The following PROX1 variants were observed in gnomAD, a reference collection of about 807,000 sequenced individuals.
PROX1 encodes the protein prospero homeobox 1.
In PROX1, 7 loss-of-function variants were observed where a neutral mutation model predicts 58.8. That is an observed-to-expected ratio of 0.12 (90% confidence interval 0.07 to 0.22). The LOEUF is 0.22. Ranked by LOEUF, PROX1 falls within the 10% of genes least tolerant of loss-of-function variation. The pLI, the probability that PROX1 is intolerant of heterozygous loss-of-function variation, is 1.00. For synonymous variants in PROX1, 350 were observed against 358.3 expected, an observed-to-expected ratio of 0.98 and a Z score of 0.26; for missense variants, 675 against 927.8, an observed-to-expected ratio of 0.73 and a Z score of 3.54.
Position 214,038,187 on chromosome 1 carries a change from C to T in PROX1, c.*2353C>T, listed in dbSNP as rs550149651. The T allele has an allele frequency of 6.6e-6, 1 of 152,102 alleles. No homozygotes were observed. The highest frequency in any genetic ancestry group is 1.5e-5 in the Non-Finnish European group (1 of 68,018). The allele number at this position is 152,102 out of a possible 1,614,324, so 9.4% of individuals were successfully genotyped here. A position where few individuals can be genotyped will look rare whatever the true frequency, so the allele number is the denominator to read the frequency against. On this transcript the variant is annotated 3_prime_UTR_variant, in exon 5 of 5. Coordinates refer to ENST00000366958, the MANE Select transcript of PROX1 (RefSeq NM_001270616.2). The stretch of plus-strand genomic sequence containing the variant: ...TGATGCCCTTATCTACTGATAATAT[C>T]CTCTCAATGTTCACTGAGGCATAGA...
chr1:213,994,222 G>A (rs929748689), intron 1 of PROX1, among the ~76,000 whole-genome samples: 7 of 152,212 alleles, frequency 4.6e-5, no homozygotes, highest in Non-Finnish European at 7.3e-5. Context: ...CAGGAGGAAA[G>A]TCCAGTTTGG....
intron 4 of PROX1, among the ~76,000 whole-genome samples, chr1:214,025,135 G>A (rs1384934767): frequency 6.6e-6 from 1 of 152,156 alleles, no homozygotes; most frequent in Admixed American, 6.5e-5. Flanking sequence ...CCAATTAAAC[G>A]TTCCTAATCA....
chr1:214,020,452 TTAGA>T, intron 4 of PROX1, among the ~76,000 whole-genome samples: 1 of 152,326 alleles, frequency 6.6e-6, no homozygotes, highest in East Asian at 1.9e-4. Context: ...TGACCTACTA[TTAGA>T]TACTTACAGT....
At chr1:214,001,460 A>G (rs955216977) in intron 2 of PROX1, among the ~76,000 whole-genome samples, 6 of 152,184 alleles carry the variant, frequency 3.9e-5, no homozygotes, top group African/African-American at 1.4e-4. Flanking sequence ...TTGCATCTCA[A>G]GAAAAATAGC....
rs1664989816 is a variant in PROX1, at chr1:214,040,936, C to T, written c.*5102C>T. 2.0e-5 allele frequency: 3 copies of T among 151,754 alleles called. No individual in the cohort carries two copies. The highest frequency in any genetic ancestry group is 4.4e-5 in the Non-Finnish European group (3 of 67,960). The allele number at this position is 151,754 out of a possible 1,614,324, so 9.4% of individuals were successfully genotyped here. ...AATTGATATGATAAACACAATGAGACTCCCTGTCCATATTAAAAAGAAAAT... is the reference window on the plus strand; with the variant it reads ...AATTGATATGATAAACACAATGAGATTCCCTGTCCATATTAAAAAGAAAAT... On this transcript the variant is annotated 3_prime_UTR_variant, in exon 5 of 5. Coordinates refer to ENST00000366958, the MANE Select transcript of PROX1 (RefSeq NM_001270616.2).
chr1:214,002,889 T>C (rs1663574127), intron 2 of PROX1, among the ~76,000 whole-genome samples: 1 of 152,232 alleles, frequency 6.6e-6, no homozygotes, highest in Non-Finnish European at 1.5e-5. Flanking sequence ...TAATAGTTTA[T>C]TAGAAACATA....
At chr1:214,005,074 C>A in intron 2 of PROX1, 91 bp from the exon 3 acceptor site, 1 of 993,336 alleles carries the variant, frequency 1.0e-6, no homozygotes, top group Non-Finnish European at 1.6e-6. Flanking sequence ...CTTGATGGAC[C>A]CCCAGACTCT....
intron 4 of PROX1, among the ~76,000 whole-genome samples, chr1:214,016,395 G>A (rs147064447): frequency 1.3e-5 from 2 of 152,292 alleles, no homozygotes; most frequent in East Asian, 1.9e-4. Flanking sequence ...TTTAGGAAGC[G>A]CTTCCCTCTG....
intron 3 of PROX1, among the ~76,000 whole-genome samples, chr1:214,008,522 G>T (rs1299258743): frequency 2.0e-5 from 3 of 152,186 alleles, no homozygotes; most frequent in Non-Finnish European, 2.9e-5. Context: ...TTGGAGGATA[G>T]AGCTAGATGG....
chr1:214,036,505 A>G lies in PROX1; in HGVS notation c.*671A>G, dbSNP rs990370690. On this transcript the variant is annotated 3_prime_UTR_variant, in exon 5 of 5. Transcript: ENST00000366958. ...ACCAGTTTCTTCTGGAGGCAAAGCA[A>G]TTTTGCACAAAACCAGCTCTCTCAA... is the stretch of plus-strand genomic sequence containing the variant. 1 of 152,178 alleles carries G rather than the reference A, an allele frequency of 6.6e-6. No individual in the cohort carries two copies. Among genetic ancestry groups the G allele is most frequent in the Non-Finnish European group, 1.5e-5 (1 of 68,020 alleles). The allele number at this position is 152,178 out of a possible 1,614,324, so 9.4% of individuals were successfully genotyped here. A position where few individuals can be genotyped will look rare whatever the true frequency, so the allele number is the denominator to read the frequency against.
At chr1:213,990,165 A>C (rs1489802421) in intron 1 of PROX1, among the ~76,000 whole-genome samples, 1 of 151,736 alleles carries the variant, frequency 6.6e-6, no homozygotes, top group Non-Finnish European at 1.5e-5. Flanking sequence ...GAAAAGAAAA[A>C]AAAAAGAACT....
chr1:214,025,527 A>G (rs752285126), intron 4 of PROX1, among the ~76,000 whole-genome samples: 29 of 152,214 alleles, frequency 1.9e-4, no homozygotes, highest in African/African-American at 5.8e-4. Context: ...AATATGGCCC[A>G]CAGAGCCTAT....
At chr1:214,023,835 A>C (rs1040933239) in intron 4 of PROX1, among the ~76,000 whole-genome samples, 1 of 152,210 alleles carries the variant, frequency 6.6e-6, no homozygotes, top group East Asian at 1.9e-4. Context: ...AGTAAAAGGT[A>C]ATGTATTCCC....
chr1:213,996,908 CAGG>C lies in PROX1; in HGVS notation c.378_380del (p.Glu126del), dbSNP rs1473551539. On this transcript the variant is annotated inframe_deletion, in exon 2 of 5. Coordinates refer to ENST00000366958, the MANE Select transcript of PROX1 (RefSeq NM_001270616.2). The stretch of plus-strand genomic sequence containing the variant: ...CTCTAGTACAGGCTCCGAAGTACAT[CAGG>C]AGGATATATGCAGCAACTCTTCAAG... The C allele has an allele frequency of 6.2e-7, 1 of 1,613,950 alleles. No homozygotes were observed. The highest frequency in any genetic ancestry group is 1.3e-5 in the African/African-American group (1 of 74,876).
chr1:214,013,736 T>A (rs1356655634), intron 4 of PROX1, among the ~76,000 whole-genome samples: 1 of 152,188 alleles, frequency 6.6e-6, no homozygotes, highest in Non-Finnish European at 1.5e-5. Context: ...ATCTAATATT[T>A]CTCTCTTTGT....
At chr1:213,993,525 T>C (rs1489436896) in intron 1 of PROX1, among the ~76,000 whole-genome samples, 2 of 152,240 alleles carry the variant, frequency 1.3e-5, no homozygotes, top group Admixed American at 6.5e-5. Flanking sequence ...ATTTATATTA[T>C]GGTAACGTAA....
At chr1:214,021,724 A>AGTT (rs1463797347) in intron 4 of PROX1, among the ~76,000 whole-genome samples, 1 of 152,204 alleles carries the variant, frequency 6.6e-6, no homozygotes, top group African/African-American at 2.4e-5. Context: ...GGAATTCTTG[A>AGTT]GTTGGATCTC....
rs373487606 is a variant in PROX1, at chr1:213,990,746, T to C, written c.-68+2263T>C. 2.0e-4 allele frequency among the ~76,000 whole-genome samples: 31 copies of C among 151,768 alleles called. No individual in the cohort carries two copies. The East Asian group carries it at 3.9e-3, about 19-fold the overall frequency. Reference sequence around the variant, plus strand: ...GCTTTGGATAGCAATGAGTGGTGTGTAACTGCCAAGAATTCCAAAGTCAGT... The same window carrying C: ...GCTTTGGATAGCAATGAGTGGTGTGCAACTGCCAAGAATTCCAAAGTCAGT... On this transcript the variant is annotated intron_variant, in intron 1 of 4. Transcript: ENST00000366958.
Position 214,011,637 on chromosome 1 carries a change from T to G in PROX1, c.1950T>G (p.Thr650=). The G allele has an allele frequency of 6.2e-7, 1 of 1,614,134 alleles. No individual in the cohort carries two copies. The highest frequency in any genetic ancestry group is 8.5e-7 in the Non-Finnish European group (1 of 1,179,972). The change falls in exon 4 of 5, where the codon ACT becomes ACG. Residue 650 remains threonine, a synonymous_variant. Coordinates refer to ENST00000366958, the MANE Select transcript of PROX1 (RefSeq NM_001270616.2). ...CCATCAACGATGGGGTCACCAGTAC[T>G]GAAGAGCTGTCTATAACCAGAGACT... The part of the protein sequence containing the change: ...RQAINDGVTS[T]EELSITRDCE...
Sources: gnomAD v4.1 joint callset for allele counts (sites outside exome capture counted in the v4.1 genomes callset) on GRCh38, gnomAD v4.1.1 for gene constraint, MANE v1.5 for transcripts, NCBI Gene and HGNC (gene_info 2026-07-23, HGNC 2026-07-21) for gene names.